PACRG: variants seen among roughly 807,000 people sequenced by gnomAD.
PACRG encodes the protein parkin coregulated gene protein.
In PACRG, 29 loss-of-function variants were observed where a neutral mutation model predicts 29.7. The ratio of observed to expected loss-of-function variants is 0.98; its 90% CI spans 0.73 to 1.33. The LOEUF (loss-of-function observed/expected upper bound fraction) is 1.33. PACRG is among the 40% of genes most tolerant of loss of function. The pLI, the probability that PACRG is intolerant of heterozygous loss-of-function variation, is 0.00. For synonymous variants in PACRG, 116 were observed against 118.7 expected (o/e 0.98, Z 0.15); for missense variants, 279 against 316.2 (o/e 0.88, Z 0.89).
chr6:163,068,803 T>C (rs991988988), intron 3 of PACRG, among the ~76,000 whole-genome samples: 7 of 152,152 alleles, frequency 4.6e-5, no homozygotes, highest in African/African-American at 1.7e-4. Flanking sequence ...TTTTTTATAC[T>C]ATTTGGTTCT....
At chr6:163,166,996 C>T (rs1046403244) in intron 4 of PACRG, among the ~76,000 whole-genome samples, 7 of 152,224 alleles carry the variant, frequency 4.6e-5, no homozygotes, top group Non-Finnish European at 1.0e-4. Flanking sequence ...AAGTTCAGAT[C>T]ATCTTTTCCA....
At chr6:162,827,980 C>T (rs1562638756) in intron 2 of PACRG, among the ~76,000 whole-genome samples, 1 of 152,132 alleles carries the variant, frequency 6.6e-6, no homozygotes, top group Non-Finnish European at 1.5e-5. Context: ...AGATGGGGGA[C>T]TGCAGAAGAA....
intron 2 of PACRG, among the ~76,000 whole-genome samples, chr6:162,880,898 G>T (rs1243198149): frequency 6.6e-6 from 1 of 152,262 alleles, no homozygotes; most frequent in Non-Finnish European, 1.5e-5. Context: ...TGCGCCAGGG[G>T]TGCATCGTTC....
chr6:163,298,441 A>T (rs1209314778), intron 4 of PACRG, among the ~76,000 whole-genome samples: 1 of 152,242 alleles, frequency 6.6e-6, no homozygotes, highest in Non-Finnish European at 1.5e-5. Flanking sequence ...TTGCTGGAAC[A>T]TCATACACTG....
chr6:162,731,628 T>C (rs1779776634), intron 1 of PACRG, among the ~76,000 whole-genome samples: 1 of 152,150 alleles, frequency 6.6e-6, no homozygotes, highest in East Asian at 1.9e-4. Context: ...GAGGGATGAC[T>C]GTATTCCAAA....
At chr6:163,101,698 C>G (rs1815096285) in intron 4 of PACRG, among the ~76,000 whole-genome samples, 2 of 152,086 alleles carry the variant, frequency 1.3e-5, no homozygotes, top group South Asian at 4.2e-4. Context: ...ACAACCCACA[C>G]ATTCACCTTT....
intron 2 of PACRG, among the ~76,000 whole-genome samples, chr6:162,880,450 A>G (rs1266407359): frequency 1.3e-5 from 2 of 152,200 alleles, no homozygotes; most frequent in Non-Finnish European, 2.9e-5. Flanking sequence ...AGGAACAACA[A>G]CAACAAAACA....
chr6:162,928,511 T>A (rs570669793), intron 2 of PACRG, among the ~76,000 whole-genome samples: 47 of 152,214 alleles, frequency 3.1e-4, no homozygotes, highest in Admixed American at 2.7e-3. Flanking sequence ...GCATATTTTC[T>A]GGGTACATGT....
chr6:162,944,007 G>C (rs1045697220), intron 2 of PACRG, among the ~76,000 whole-genome samples: 1 of 152,138 alleles, frequency 6.6e-6, no homozygotes, highest in African/African-American at 2.4e-5. Flanking sequence ...CCACCTGGAG[G>C]CCCAAGAATA....
chr6:163,144,292 C>A (rs1458677824), intron 4 of PACRG, among the ~76,000 whole-genome samples: 2 of 150,636 alleles, frequency 1.3e-5, no homozygotes. Context: ...CATGCACTCA[C>A]TCCATCAGTT....
intron 2 of PACRG, among the ~76,000 whole-genome samples, chr6:163,049,091 G>A (rs183164190): frequency 8.5e-5 from 13 of 152,180 alleles, no homozygotes; most frequent in Admixed American, 7.9e-4. Context: ...GGAAAGTAAT[G>A]TAAAGGGACC....
intron 4 of PACRG, among the ~76,000 whole-genome samples, chr6:163,312,025 T>C (rs1370388571): frequency 6.6e-6 from 1 of 152,212 alleles, no homozygotes; most frequent in Admixed American, 6.5e-5. Flanking sequence ...GAGTGACTAA[T>C]GTATGTATCT....
intron 4 of PACRG, among the ~76,000 whole-genome samples, chr6:163,255,914 G>A (rs1783089764): frequency 6.6e-6 from 1 of 152,184 alleles, no homozygotes; most frequent in African/African-American, 2.4e-5. Flanking sequence ...GGGTTTACAG[G>A]TGTGAGCCAC....
At chr6:163,271,890 C>T (rs556295830) in intron 4 of PACRG, among the ~76,000 whole-genome samples, 10 of 152,146 alleles carry the variant, frequency 6.6e-5, no homozygotes, top group Non-Finnish European at 1.5e-4. Context: ...TGCTCAGTTT[C>T]CCTGATCCCA....
chr6:162,854,866 AT>A (rs1791237288), intron 2 of PACRG, among the ~76,000 whole-genome samples: 1 of 152,208 alleles, frequency 6.6e-6, no homozygotes, highest in South Asian at 2.1e-4. Flanking sequence ...TTGCCATTGA[AT>A]TTCACATGGG....
intron 2 of PACRG, among the ~76,000 whole-genome samples, chr6:162,966,343 T>C (rs1801016995): frequency 6.6e-6 from 1 of 152,206 alleles, no homozygotes; most frequent in East Asian, 1.9e-4. Context: ...CATGACCATT[T>C]GCGTGATGTC....
At chr6:163,294,524 G>A (rs1185951659) in intron 4 of PACRG, among the ~76,000 whole-genome samples, 6 of 152,274 alleles carry the variant, frequency 3.9e-5, no homozygotes, top group South Asian at 2.1e-4. Context: ...AAAGAGAACC[G>A]TTGGACAAAA....
intron 2 of PACRG, among the ~76,000 whole-genome samples, chr6:162,863,120 A>C (rs1792002051): frequency 6.6e-6 from 1 of 152,204 alleles, no homozygotes; most frequent in Non-Finnish European, 1.5e-5. Flanking sequence ...CACACACTGC[A>C]TCCACAGGCC....
intron 1 of PACRG, among the ~76,000 whole-genome samples, chr6:162,806,268 C>T (rs1786318568): frequency 6.6e-6 from 1 of 151,842 alleles, no homozygotes; most frequent in South Asian, 2.1e-4. Flanking sequence ...ACCACCACGC[C>T]CAGCTAATTT....
Sources: gnomAD v4.1 joint callset for allele counts (sites outside exome capture counted in the v4.1 genomes callset) on GRCh38, gnomAD v4.1.1 for gene constraint, MANE v1.5 for transcripts, NCBI Gene and HGNC (gene_info 2026-07-23, HGNC 2026-07-21) for gene names.